NCKAP1: variants seen among roughly 807,000 people sequenced by gnomAD.
NCKAP1 encodes nck-associated protein 1.
A neutral mutation model predicts 151.2 loss-of-function variants in NCKAP1; 21 were observed. The observed-to-expected ratio is 0.14, with a 90% confidence interval of 0.10 to 0.20. NCKAP1 has a LOEUF of 0.20. Among genes scored for constraint, NCKAP1 ranks in the 10% least tolerant of loss-of-function variants. The pLI is 1.00. For missense variants in NCKAP1, 933 were observed against 1,352.1 expected (o/e 0.69, Z 4.86); for synonymous variants, 484 against 451.8 (o/e 1.07, Z -0.90).
intron 24 of NCKAP1, among the ~76,000 whole-genome samples, chr2:182,941,607 C>T (rs1696996170): frequency 6.6e-6 from 1 of 152,178 alleles, no homozygotes. Context: ...ACTGATGGAA[C>T]TGTTCTATAT....
intron 2 of NCKAP1, among the ~76,000 whole-genome samples, chr2:183,008,127 T>C (rs899983353): frequency 2.6e-5 from 4 of 152,118 alleles, no homozygotes; most frequent in Non-Finnish European, 5.9e-5. Flanking sequence ...GGTTTCTCCA[T>C]GTTGGTCAGG....
intron 24 of NCKAP1, among the ~76,000 whole-genome samples, chr2:182,939,562 T>C (rs947774806): frequency 2.0e-5 from 3 of 151,744 alleles, no homozygotes; most frequent in African/African-American, 4.8e-5. Flanking sequence ...TAAAATAAAA[T>C]AAAAATAAAC....
At chr2:182,969,564 T>C (rs375011812) in intron 15 of NCKAP1, among the ~76,000 whole-genome samples, 9 of 151,304 alleles carry the variant, frequency 5.9e-5, no homozygotes, top group African/African-American at 2.2e-4. Context: ...CTGAACAATG[T>C]AGAAATTAAG....
chr2:182,930,132 G>C lies in NCKAP1; in HGVS notation c.2953+563C>G, dbSNP rs149745026. ...CCAGCTGGTGAGATTTTATTTCTTT[G>C]CTTCCCTTTACAATAGAACTCTTTG... On this transcript the variant is annotated intron_variant, in intron 27 of 30. Transcript: ENST00000361354. Among the ~76,000 whole-genome samples the C allele has an allele frequency of 2.0e-4, 31 of 151,746 alleles. No homozygotes were observed. The East Asian group carries it at 3.7e-3, about 18-fold the overall frequency.
intron 2 of NCKAP1, among the ~76,000 whole-genome samples, chr2:183,021,926 T>C (rs2105892980): frequency 6.6e-6 from 1 of 152,308 alleles, no homozygotes; most frequent in African/African-American, 2.4e-5. Flanking sequence ...ACACTTTGAA[T>C]GGGTGAATTA....
At chr2:182,933,919 AG>A (rs1696816819) in intron 26 of NCKAP1, among the ~76,000 whole-genome samples, 1 of 152,208 alleles carries the variant, frequency 6.6e-6, no homozygotes, top group African/African-American at 2.4e-5. Context: ...TTAGATCAAT[AG>A]TTGGATTTCA....
chr2:182,936,419 C>T (rs1459528422), intron 24 of NCKAP1, among the ~76,000 whole-genome samples: 2 of 151,960 alleles, frequency 1.3e-5, no homozygotes, highest in South Asian at 2.1e-4. Flanking sequence ...ACCTAGACCT[C>T]GAATAGCAGA....
At chr2:182,929,773 A>G (rs1193756743) in intron 27 of NCKAP1, among the ~76,000 whole-genome samples, 1 of 151,850 alleles carries the variant, frequency 6.6e-6, no homozygotes, top group Non-Finnish European at 1.5e-5. Flanking sequence ...AAAAAAAAAA[A>G]AAAACTGATG....
At chr2:182,967,957 A>C (rs1222705143) in intron 15 of NCKAP1, among the ~76,000 whole-genome samples, 1 of 152,188 alleles carries the variant, frequency 6.6e-6, no homozygotes, top group Admixed American at 6.5e-5. Flanking sequence ...CAAAAAGCAG[A>C]TCATGTCCAT....
chr2:182,979,642 T>C (rs937316419), intron 13 of NCKAP1, among the ~76,000 whole-genome samples: 10 of 152,088 alleles, frequency 6.6e-5, no homozygotes, highest in East Asian at 1.9e-4. Flanking sequence ...TTAACACCTA[T>C]TGCAATCAAC....
intron 26 of NCKAP1, among the ~76,000 whole-genome samples, chr2:182,931,562 T>C (rs1696764585): frequency 2.6e-5 from 4 of 152,032 alleles, no homozygotes; most frequent in South Asian, 4.1e-4. Flanking sequence ...GCTAAAACTG[T>C]AAAACGCTTA....
In NCKAP1 at chr2:183,023,889, A is replaced by G; in HGVS notation, c.136T>C (p.Ser46Pro). 1 of 1,612,714 alleles carries G rather than the reference A, an allele frequency of 6.2e-7. No individual in the cohort carries two copies. The highest frequency in any genetic ancestry group is 8.5e-7 in the Non-Finnish European group (1 of 1,179,178). Residue 46 changes from serine to proline, a missense_variant, in exon 2 of 31, where the codon TCC becomes CCC. This residue lies in a region of NCKAP1 where 607 missense variants were observed against 795.0 expected (regional missense o/e 0.76). Transcript: ENST00000361354. Reference protein sequence around the residue: ...KACGDPKAKPSYLIDKNLESA... With the variant: ...KACGDPKAKPPYLIDKNLESA... ...TCCAGGTTTTTGTCGATAAGATAGG[A>G]TGGTTTTGCCTTGGGGTCTCCACAT...
At chr2:183,030,113 A>G (rs1223551927) in intron 1 of NCKAP1, among the ~76,000 whole-genome samples, 1 of 152,192 alleles carries the variant, frequency 6.6e-6, no homozygotes, top group Non-Finnish European at 1.5e-5. Context: ...GTTTAAAAAC[A>G]TGCTCCACTT....
intron 6 of NCKAP1, 47 bp downstream of exon 6, chr2:183,001,906 C>T (rs1698381225): frequency 1.3e-6 from 2 of 1,493,412 alleles, no homozygotes; most frequent in Non-Finnish European, 1.9e-6. Context: ...CATCCTCATG[C>T]TATGTTATAT....
chr2:182,937,587 T>G (rs1301266291), intron 24 of NCKAP1, among the ~76,000 whole-genome samples: 1 of 152,002 alleles, frequency 6.6e-6, no homozygotes, highest in African/African-American at 2.4e-5. Context: ...TTGTTCAGGG[T>G]TTTCAAAATA....
At chr2:183,001,889 A>G in intron 6 of NCKAP1, 64 bp downstream of exon 6, 1 of 1,388,856 alleles carries the variant, frequency 7.2e-7, no homozygotes, top group Admixed American at 1.8e-5. Flanking sequence ...CCCTTTATCC[A>G]ACCATCCATC....
chr2:182,949,250 G>A (rs942817708), intron 23 of NCKAP1, among the ~76,000 whole-genome samples: 2 of 152,160 alleles, frequency 1.3e-5, no homozygotes, highest in East Asian at 3.8e-4. Flanking sequence ...TCAGATAGGA[G>A]TAGGTTAGAT....
intron 2 of NCKAP1, among the ~76,000 whole-genome samples, chr2:183,003,985 CT>C (rs1185596871): frequency 6.6e-6 from 1 of 152,072 alleles, no homozygotes; most frequent in Non-Finnish European, 1.5e-5. Context: ...CCCAATTTTT[CT>C]TTTAAAATCA....
chr2:183,018,491 A>G (rs1559108464), intron 2 of NCKAP1, among the ~76,000 whole-genome samples: 1 of 152,052 alleles, frequency 6.6e-6, no homozygotes, highest in East Asian at 1.9e-4. Context: ...TTACCAAACC[A>G]CAGTGCATGC....
Sources: allele counts gnomAD v4.1 joint callset (sites outside exome capture counted in the v4.1 genomes callset), GRCh38; gene constraint gnomAD v4.1.1; regional missense constraint gnomAD v4.1.1; transcripts MANE v1.5; gene names NCBI Gene and HGNC (gene_info 2026-07-23, HGNC 2026-07-21).